Variants in MMS22L observed in about 807,000 individuals in gnomAD.
The protein encoded by MMS22L is protein MMS22-like.
A neutral mutation model predicts 159.1 loss-of-function variants in MMS22L; 74 were observed. The observed-to-expected ratio is 0.47, with a 90% CI of 0.39 to 0.56. The LOEUF (loss-of-function observed/expected upper bound fraction) is 0.56, where lower values mean the gene tolerates loss of function less well. Among genes scored for constraint, MMS22L ranks in the 20% least tolerant of loss-of-function variants. The probability of loss-of-function intolerance (pLI) is 0.00; values close to 1 mark genes in which losing one functional copy is unlikely to be tolerated. For missense variants in MMS22L, 1,351 were observed against 1,422.1 expected (o/e 0.95, Z 0.80); for synonymous variants, 517 against 506.9 (o/e 1.02, Z -0.27).
intron 14 of MMS22L, among the ~76,000 whole-genome samples, chr6:97,211,469 CT>C (rs1808365187): frequency 1.3e-5 from 2 of 152,008 alleles, no homozygotes; most frequent in Admixed American, 6.6e-5. Context: ...TTGACTTAAT[CT>C]TTCATTTCCC....
rs201632652 is a variant in MMS22L at position 97,181,614 on chromosome 6, TG to T, written c.2384+289del. 1.8e-3 allele frequency among the ~76,000 whole-genome samples: 275 copies of T among 152,280 alleles called. 3 individuals are homozygous for T. The East Asian group carries it at 0.039, about 22-fold the overall frequency. Reference sequence around the variant, plus strand: ...AATAAATGTGTAATTTCTTTCACAGTGGGATGTGTAGAAAGGTCACTTCAGT... The same window carrying T: ...AATAAATGTGTAATTTCTTTCACAGTGGATGTGTAGAAAGGTCACTTCAGT... On this transcript the variant is annotated intron_variant, in intron 16 of 24. Transcript: ENST00000683635.
At chr6:97,278,335 A>C (rs1275095321) in intron 4 of MMS22L, among the ~76,000 whole-genome samples, 10 of 151,422 alleles carry the variant, frequency 6.6e-5, no homozygotes, top group Non-Finnish European at 1.5e-4. Context: ...CCCGGGGGGC[A>C]GAGGTTACAG....
Position 97,186,621 on chromosome 6 carries a change from T to G in MMS22L, c.2109A>C (p.Leu703Phe). 1 of 1,611,750 alleles carries G rather than the reference T, an allele frequency of 6.2e-7. No individual in the cohort carries two copies. Among genetic ancestry groups the G allele is most frequent in the Non-Finnish European group, 8.5e-7 (1 of 1,179,050 alleles). ...DNVDLFVQSSLSAKERHLAAV... is the reference protein window; with the variant it reads ...DNVDLFVQSSFSAKERHLAAV... ...CAGCAAGGTGGCGCTCTTTAGCCGA[T>G]AATGAAGACTGTACAAATAGGTCCA... The change falls in exon 15 of 25, where the codon TTA becomes TTC. Residue 703 changes from leucine to phenylalanine, a missense_variant. Physicochemically the swap from Leu to Phe is conservative, Grantham distance 22. Coordinates refer to ENST00000683635, the MANE Select transcript of MMS22L (RefSeq NM_001350599.2).
chr6:97,249,800 T>C (rs1342130525), intron 10 of MMS22L, among the ~76,000 whole-genome samples: 1 of 151,620 alleles, frequency 6.6e-6, no homozygotes, highest in Non-Finnish European at 1.5e-5. Context: ...TCATTCTTTA[T>C]TAAGAAAATG....
intron 10 of MMS22L, among the ~76,000 whole-genome samples, 185 bp from the exon 11 acceptor site, chr6:97,246,875 C>T (rs1350804239): frequency 6.6e-6 from 1 of 152,066 alleles, no homozygotes; most frequent in African/African-American, 2.4e-5. Context: ...AAATGTACAA[C>T]TATTCCAATC....
At chr6:97,174,540 A>C (rs1375792227) in intron 18 of MMS22L, among the ~76,000 whole-genome samples, 3 of 152,130 alleles carry the variant, frequency 2.0e-5, no homozygotes, top group Non-Finnish European at 4.4e-5. Flanking sequence ...GTAAGGCCCT[A>C]AGGGGTCTAA....
intron 14 of MMS22L, among the ~76,000 whole-genome samples, chr6:97,207,613 G>C (rs1807918959): frequency 6.6e-6 from 1 of 152,120 alleles, no homozygotes; most frequent in Admixed American, 6.6e-5. Flanking sequence ...CAGTCTTCCA[G>C]TCACAGGAAG....
At chr6:97,203,095 T>C (rs1207637827) in intron 14 of MMS22L, among the ~76,000 whole-genome samples, 1 of 152,240 alleles carries the variant, frequency 6.6e-6, no homozygotes, top group East Asian at 1.9e-4. Flanking sequence ...ATTGCACTAC[T>C]AGAAGAGACT....
chr6:97,162,234 A>C (rs957552138), intron 21 of MMS22L, 69 bp from the exon 22 acceptor site: 23 of 1,398,746 alleles, frequency 1.6e-5, no homozygotes, highest in Non-Finnish European at 1.9e-5. Context: ...ATGGCATATA[A>C]TTTAAAGATA....
chr6:97,254,199 C>A, intron 10 of MMS22L: 1 of 160,140 alleles, frequency 6.2e-6, no homozygotes, highest in Non-Finnish European at 1.4e-5. Flanking sequence ...ATTTCTTTGC[C>A]AATCATAATA....
chr6:97,194,564 T>C (rs1196283088), intron 14 of MMS22L, among the ~76,000 whole-genome samples: 2 of 152,234 alleles, frequency 1.3e-5, no homozygotes, highest in Non-Finnish European at 2.9e-5. Context: ...AATTATTTCA[T>C]TTATTGAATA....
intron 14 of MMS22L, among the ~76,000 whole-genome samples, chr6:97,213,132 C>T (rs1288876919): frequency 2.6e-5 from 4 of 152,070 alleles, no homozygotes; most frequent in African/African-American, 7.2e-5. Context: ...TGCAGCCAGG[C>T]ATGGTGGCTC....
At chr6:97,227,556 A>C (rs955330279) in intron 14 of MMS22L, among the ~76,000 whole-genome samples, 1 of 152,250 alleles carries the variant, frequency 6.6e-6, no homozygotes, top group Non-Finnish European at 1.5e-5. Context: ...GGCATTTGGA[A>C]GAAGTATAAA....
intron 14 of MMS22L, among the ~76,000 whole-genome samples, chr6:97,194,972 G>A (rs929949376): frequency 1.3e-5 from 2 of 152,094 alleles, no homozygotes; most frequent in Admixed American, 1.3e-4. Flanking sequence ...TCTAATGAGA[G>A]ACAGATAATT....
chr6:97,206,663 T>C (rs531463074), intron 14 of MMS22L, among the ~76,000 whole-genome samples: 2 of 152,174 alleles, frequency 1.3e-5, no homozygotes, highest in African/African-American at 4.8e-5. Context: ...GACTTTTTTG[T>C]TAAAAAGAAA....
chr6:97,149,993 C>T lies in MMS22L; in HGVS notation c.3510G>A (p.Arg1170=), dbSNP rs766484929. The T allele has an allele frequency of 6.2e-7, 1 of 1,613,294 alleles. No individual in the cohort carries two copies. The highest frequency in any genetic ancestry group is 8.5e-7 in the Non-Finnish European group (1 of 1,179,636). The change falls in exon 24 of 25, where the codon AGG becomes AGA. Residue 1170 remains arginine, a synonymous_variant. Coordinates refer to ENST00000683635, the MANE Select transcript of MMS22L (RefSeq NM_001350599.2). ...AAATGCTGTAAACCTGGTAATAGTACCTCATACCATAATCCTGGATAAACT... is the reference window on the plus strand; with the variant it reads ...AAATGCTGTAAACCTGGTAATAGTATCTCATACCATAATCCTGGATAAACT... The part of the protein sequence containing the change: ...FRQFIQDYGM[R]YYYQVYSILE...
chr6:97,270,176 A>G, intron 6 of MMS22L, 184 bp from the exon 7 acceptor site: 1 of 641,406 alleles, frequency 1.6e-6, no homozygotes, highest in Non-Finnish European at 2.8e-6. Context: ...AGATCTTTGA[A>G]AGCAGGAAAT....
At chr6:97,154,015 A>C (rs1412323963) in intron 22 of MMS22L, among the ~76,000 whole-genome samples, 1 of 152,178 alleles carries the variant, frequency 6.6e-6, no homozygotes, top group Non-Finnish European at 1.5e-5. Context: ...CAGTAACTCC[A>C]TATTTAACCG....
At chr6:97,192,209 GATGA>G (rs1554262353) in intron 14 of MMS22L, among the ~76,000 whole-genome samples, 89 of 104,452 alleles carry the variant, frequency 8.5e-4, no homozygotes, top group South Asian at 1.7e-3. Context: ...TGGATGGATG[GATGA>G]ATGAATGAAT....
Sources: gnomAD v4.1 joint callset for allele counts (sites outside exome capture counted in the v4.1 genomes callset) on GRCh38, gnomAD v4.1.1 for gene constraint, MANE v1.5 for transcripts, NCBI Gene and HGNC (gene_info 2026-07-23, HGNC 2026-07-21) for gene names.